POFUT3: variants seen among roughly 807,000 people sequenced by gnomAD.
The protein encoded by POFUT3 is protein O-fucosyltransferase 3, also known as GDP-fucose protein O-fucosyltransferase 3.
the POFUT3 span, among the ~76,000 whole-genome samples, chr8:33,418,663 T>C: frequency 2.0e-5 from 3 of 151,858 alleles, no homozygotes; most frequent in African/African-American, 7.3e-5. Flanking sequence ...TCAAAAACAA[T>C]ATGGAGATTT....
chr8:33,420,256 TAA>T, the POFUT3 span, among the ~76,000 whole-genome samples: 45 of 152,258 alleles, frequency 3.0e-4, no homozygotes, highest in African/African-American at 1.1e-3. Flanking sequence ...AACAAAAATT[TAA>T]GAGAGAATTA....
chr8:33,471,017 T>C, the POFUT3 span, among the ~76,000 whole-genome samples: 1 of 152,170 alleles, frequency 6.6e-6, no homozygotes, highest in Non-Finnish European at 1.5e-5. Context: ...TCCTTGTTGG[T>C]AATTCTGTAT....
the POFUT3 span, among the ~76,000 whole-genome samples, chr8:33,437,754 T>C: frequency 6.6e-6 from 1 of 151,888 alleles, no homozygotes; most frequent in African/African-American, 2.4e-5. Context: ...GAGGTTGCAG[T>C]AAGCCAAGAT....
At chr8:33,384,851 A>G in the POFUT3 span, among the ~76,000 whole-genome samples, 2 of 152,234 alleles carry the variant, frequency 1.3e-5, no homozygotes, top group East Asian at 3.9e-4. Flanking sequence ...CTTCTTCAGC[A>G]ACATGGTATT....
chr8:33,453,218 T>C, the POFUT3 span: 4 of 1,613,680 alleles, frequency 2.5e-6, no homozygotes, highest in Admixed American at 1.7e-5. Context: ...CTGCTTACCA[T>C]AGAAGAGGAA....
the POFUT3 span, among the ~76,000 whole-genome samples, chr8:33,414,852 G>A: frequency 1.3e-5 from 2 of 151,924 alleles, no homozygotes; most frequent in Non-Finnish European, 2.9e-5. Flanking sequence ...GCAGGGTAAG[G>A]AGGGCACTAA....
the POFUT3 span, among the ~76,000 whole-genome samples, chr8:33,432,571 A>G: frequency 6.6e-6 from 1 of 152,162 alleles, no homozygotes; most frequent in Non-Finnish European, 1.5e-5. Context: ...TGGTTATGTG[A>G]ATTGTTCACA....
At chr8:33,456,533 T>C in the POFUT3 span, among the ~76,000 whole-genome samples, 43 of 151,954 alleles carry the variant, frequency 2.8e-4, no homozygotes, top group Non-Finnish European at 5.4e-4. Flanking sequence ...AATTTTTTTG[T>C]ATTTTTAGTA....
the POFUT3 span, among the ~76,000 whole-genome samples, chr8:33,370,169 TAAAAAAAAAAAAAAA>T: frequency 5.5e-4 from 22 of 39,862 alleles, no homozygotes; most frequent in Admixed American, 3.5e-3. Flanking sequence ...CCATCTTTAC[TAAAAAAAAAAAAAAA>T]AAAAAAAAAA....
the POFUT3 span, among the ~76,000 whole-genome samples, chr8:33,338,667 T>C: frequency 2.0e-5 from 3 of 152,068 alleles, no homozygotes; most frequent in African/African-American, 7.2e-5. Context: ...GTAGAGACCA[T>C]ATGGGAAGCT....
the POFUT3 span, among the ~76,000 whole-genome samples, chr8:33,327,453 C>T: frequency 6.6e-6 from 1 of 152,086 alleles, no homozygotes; most frequent in South Asian, 2.1e-4. Flanking sequence ...CAGTACTGAG[C>T]ATTTTGTGGG....
the POFUT3 span, among the ~76,000 whole-genome samples, chr8:33,383,356 C>T: frequency 6.6e-6 from 1 of 152,134 alleles, no homozygotes; most frequent in South Asian, 2.1e-4. Flanking sequence ...CAATAAAAGC[C>T]CCATTGCTGG....
chr8:33,372,452 T>C, the POFUT3 span: 1 of 1,448,632 alleles, frequency 6.9e-7, no homozygotes, highest in Non-Finnish European at 9.1e-7. Flanking sequence ...TTATGAGTAC[T>C]GCAGCAACTA....
At chr8:33,331,673 T>TTGTTGTTGC in the POFUT3 span, among the ~76,000 whole-genome samples, 1 of 151,812 alleles carries the variant, frequency 6.6e-6, no homozygotes, top group African/African-American at 2.4e-5. Flanking sequence ...TTTGTTGTTG[T>TTGTTGTTGC]TGTTGTTGTT....
At chr8:33,355,903 T>C in the POFUT3 span, among the ~76,000 whole-genome samples, 491 of 152,242 alleles carry the variant, frequency 3.2e-3, 1 homozygote, top group Non-Finnish European at 2.9e-3. Flanking sequence ...TTCCCACCTA[T>C]GAGTAAGAAT....
the POFUT3 span, among the ~76,000 whole-genome samples, chr8:33,380,238 A>ATATACTATATATATATATAC: frequency 1.9e-5 from 2 of 105,272 alleles, no homozygotes; most frequent in Non-Finnish European, 3.6e-5. Context: ...TACTATATAT[A>ATATACTATATATATATATAC]TATATATACT....
chr8:33,344,946 C>A, the POFUT3 span, among the ~76,000 whole-genome samples: 1 of 152,102 alleles, frequency 6.6e-6, no homozygotes, highest in Non-Finnish European at 1.5e-5. Flanking sequence ...AACTGTGACA[C>A]CCTACATGGG....
chr8:33,462,794 G>A, the POFUT3 span, among the ~76,000 whole-genome samples: 1 of 152,046 alleles, frequency 6.6e-6, no homozygotes, highest in Non-Finnish European at 1.5e-5. Flanking sequence ...AGCTGGGCAT[G>A]GGGGTGTGCA....
chr8:33,422,616 A>G, the POFUT3 span, among the ~76,000 whole-genome samples: 1 of 150,750 alleles, frequency 6.6e-6, no homozygotes, highest in Non-Finnish European at 1.5e-5. Flanking sequence ...CTCCACCCCA[A>G]AGCCCCAGGC....
Sources: gnomAD v4.1 joint callset for allele counts (sites outside exome capture counted in the v4.1 genomes callset) on GRCh38, gnomAD v4.1.1 for gene constraint, MANE v1.5 for transcripts, NCBI Gene and HGNC (gene_info 2026-07-23, HGNC 2026-07-21) for gene names.